Variants in BLTP1 observed in about 807,000 individuals in gnomAD.
BLTP1 encodes the protein bridge-like lipid transfer protein family member 1.
the BLTP1 span, among the ~76,000 whole-genome samples, chr4:122,285,414 C>T: frequency 7.9e-5 from 12 of 151,904 alleles, no homozygotes; most frequent in Non-Finnish European, 1.3e-4. Context: ...GTAGACAGTC[C>T]CCACCCCTTG....
the BLTP1 span, among the ~76,000 whole-genome samples, chr4:122,191,461 G>A: frequency 6.6e-6 from 1 of 152,084 alleles, no homozygotes. Flanking sequence ...GTTTTTAAAT[G>A]TTTAATAATG....
At chr4:122,170,668 G>C in the BLTP1 span, 4 of 1,577,868 alleles carry the variant, frequency 2.5e-6, no homozygotes, top group Admixed American at 1.8e-5. Context: ...GGAAGAATGA[G>C]AGTATTGTTC....
the BLTP1 span, chr4:122,307,677 T>A: frequency 0.041 from 40,528 of 985,200 alleles, 889 homozygotes; most frequent in Middle Eastern, 0.057. Context: ...TAATAGGCAT[T>A]TCACAAATAA....
the BLTP1 span, chr4:122,199,528 T>A: frequency 8.0e-7 from 1 of 1,251,064 alleles, no homozygotes; most frequent in Non-Finnish European, 1.1e-6. Flanking sequence ...TAAGTTTAAG[T>A]AACCAGGAAA....
the BLTP1 span, chr4:122,276,435 A>T: frequency 2.1e-6 from 2 of 975,604 alleles, no homozygotes; most frequent in Non-Finnish European, 2.4e-6. Context: ...TCTCAGCCTT[A>T]TAATTCTGTA....
chr4:122,269,097 T>G, the BLTP1 span: 2 of 964,398 alleles, frequency 2.1e-6, no homozygotes, highest in South Asian at 9.6e-5. Flanking sequence ...TCTCTAGGGT[T>G]AAAATATCTG....
the BLTP1 span, chr4:122,170,710 A>G: frequency 1.9e-6 from 3 of 1,599,994 alleles, no homozygotes; most frequent in Non-Finnish European, 2.6e-6. Context: ...ATTTTCTTAC[A>G]GAACACAATT....
At chr4:122,292,159 C>CG in the BLTP1 span, 2 of 167,412 alleles carry the variant, frequency 1.2e-5, no homozygotes, top group Admixed American at 6.6e-5. Context: ...TTAGTAGAGA[C>CG]GGGGTTTCAC....
At chr4:122,293,605 C>T in the BLTP1 span, among the ~76,000 whole-genome samples, 639 of 151,310 alleles carry the variant, frequency 4.2e-3, 1 homozygote, top group Middle Eastern at 0.014. Context: ...GAAGCAGCCA[C>T]TCGGGCACGC....
At chr4:122,333,607 A>G in the BLTP1 span, 1 of 1,558,440 alleles carries the variant, frequency 6.4e-7, no homozygotes, top group African/African-American at 1.5e-5. Context: ...TTAAAAAGAT[A>G]AGAACATTTT....
chr4:122,152,637 A>G, the BLTP1 span: 9 of 985,414 alleles, frequency 9.1e-6, no homozygotes, highest in East Asian at 5.7e-4. Context: ...CCCTTTTTCC[A>G]GTGTCTCTGG....
the BLTP1 span, chr4:122,246,838 A>C: frequency 1.2e-6 from 2 of 1,603,702 alleles, no homozygotes; most frequent in Non-Finnish European, 1.7e-6. Flanking sequence ...AATCTGAGCC[A>C]TGATTATCTT....
the BLTP1 span, chr4:122,207,373 C>T: frequency 2.9e-6 from 4 of 1,364,236 alleles, no homozygotes; most frequent in African/African-American, 4.4e-5. Context: ...GAAGTTATTT[C>T]CCCCCATTAT....
chr4:122,202,073 A>G, the BLTP1 span: 7 of 159,044 alleles, frequency 4.4e-5, no homozygotes, highest in Non-Finnish European at 8.1e-5. Context: ...ACCTTTTAAA[A>G]TGCCTCTTAT....
chr4:122,348,343 C>T, the BLTP1 span, among the ~76,000 whole-genome samples: 1 of 152,120 alleles, frequency 6.6e-6, no homozygotes, highest in African/African-American at 2.4e-5. Flanking sequence ...GGGGGCCATA[C>T]ATAATTTTAT....
chr4:122,189,016 A>C, the BLTP1 span: 1 of 984,894 alleles, frequency 1.0e-6, no homozygotes, highest in Non-Finnish European at 1.2e-6. Flanking sequence ...CTTGGTTAAG[A>C]ATCTTCTGGA....
the BLTP1 span, among the ~76,000 whole-genome samples, chr4:122,232,389 G>A: frequency 1.6e-4 from 24 of 152,226 alleles, no homozygotes; most frequent in Admixed American, 1.4e-3. Flanking sequence ...TTTAGTATAA[G>A]TTTGTCCCAC....
chr4:122,244,809 T>C, the BLTP1 span, among the ~76,000 whole-genome samples: 1 of 152,298 alleles, frequency 6.6e-6, no homozygotes. Context: ...TGTGGAACAC[T>C]TCATCTTGGG....
the BLTP1 span, among the ~76,000 whole-genome samples, chr4:122,218,968 C>G: frequency 1.1e-4 from 16 of 152,226 alleles, no homozygotes; most frequent in African/African-American, 2.9e-4. Flanking sequence ...ATTGCTTCCC[C>G]CAAAGGATGT....
Sources: gnomAD v4.1 joint callset for allele counts (sites outside exome capture counted in the v4.1 genomes callset) on GRCh38, gnomAD v4.1.1 for gene constraint, MANE v1.5 for transcripts, NCBI Gene and HGNC (gene_info 2026-07-23, HGNC 2026-07-21) for gene names.